The following FHOD3 variants were observed in gnomAD, a reference collection of about 807,000 sequenced individuals.
The protein encoded by FHOD3 is FH1/FH2 domain-containing protein 3.
In FHOD3, 90 loss-of-function variants were observed where a neutral mutation model predicts 173.0. The ratio of observed to expected loss-of-function variants is 0.52; its 90% CI spans 0.44 to 0.62. The LOEUF is 0.62. FHOD3 is among the 20% of genes least tolerant of loss of function. The pLI, the probability that FHOD3 is intolerant of heterozygous loss-of-function variation, is 0.00. For missense variants in FHOD3, 1,945 were observed against 2,034.7 expected, an observed-to-expected ratio of 0.96 and a Z score of 0.85; for synonymous variants, 828 against 823.0, an observed-to-expected ratio of 1.01 and a Z score of -0.10.
intron 3 of FHOD3, among the ~76,000 whole-genome samples, chr18:36,422,160 A>C (rs1353730943): frequency 6.6e-6 from 1 of 152,204 alleles, no homozygotes; most frequent in African/African-American, 2.4e-5. Flanking sequence ...CTTGGCCGCC[A>C]CATGTAATCC....
At chr18:36,717,173 A>T (rs958369220) in intron 18 of FHOD3, among the ~76,000 whole-genome samples, 1 of 152,098 alleles carries the variant, frequency 6.6e-6, no homozygotes, top group Non-Finnish European at 1.5e-5. Context: ...TTCTGGCTTC[A>T]TCTGTTAAGT....
chr18:36,362,656 GTCCCTGGCTGTA>G (rs2046690598), intron 2 of FHOD3, among the ~76,000 whole-genome samples: 2 of 152,136 alleles, frequency 1.3e-5, no homozygotes, highest in Non-Finnish European at 2.9e-5. Context: ...GAGAGGACCA[GTCCCTGGCTGTA>G]GGGAAAATGA....
chr18:36,716,914 ATGTGTGTGTGTGTGTGTGTGTGTGTG>A (rs57041859), intron 18 of FHOD3, among the ~76,000 whole-genome samples: 1 of 136,814 alleles, frequency 7.3e-6, no homozygotes, highest in Admixed American at 7.3e-5. Flanking sequence ...ATATATGTGT[ATGTGTGTGTGTGTGTGTGTGTGTGTG>A]TGTGTGTGTG....
chr18:36,623,559 C>A (rs1449031557), intron 9 of FHOD3, among the ~76,000 whole-genome samples: 2 of 152,166 alleles, frequency 1.3e-5, no homozygotes, highest in Non-Finnish European at 2.9e-5. Flanking sequence ...TTAGTTCTTG[C>A]AGTTACAATG....
chr18:36,445,816 G>A (rs1268841856), intron 3 of FHOD3, among the ~76,000 whole-genome samples: 9 of 152,196 alleles, frequency 5.9e-5, no homozygotes, highest in Non-Finnish European at 2.9e-5. Flanking sequence ...TAGTTGCAGC[G>A]AGGCTCCCTC....
chr18:36,601,322 A>G (rs1374355714), intron 7 of FHOD3, among the ~76,000 whole-genome samples: 1 of 152,222 alleles, frequency 6.6e-6, no homozygotes, highest in Non-Finnish European at 1.5e-5. Flanking sequence ...TGTGCCTTTT[A>G]CGTCTTGTAG....
intron 5 of FHOD3, among the ~76,000 whole-genome samples, chr18:36,535,363 TTCCA>T (rs1440867593): frequency 6.6e-6 from 1 of 152,054 alleles, no homozygotes; most frequent in East Asian, 1.9e-4. Context: ...TGGGCAAAGC[TTCCA>T]TCCCTTTCCC....
Position 36,757,590 on chromosome 18 carries a change from A to T in FHOD3, c.4426-1528A>T, listed in dbSNP as rs138830976. 1.7e-3 allele frequency among the ~76,000 whole-genome samples: 262 copies of T among 152,338 alleles called. 1 individual carries two copies. Among genetic ancestry groups the T allele is most frequent in the African/African-American group, 6.2e-3 (256 of 41,576 alleles). The stretch of plus-strand genomic sequence containing the variant: ...ATTTTAGAGAAAACTGTTTGTAGTA[A>T]GTCACCTTGAATGTACATGCTGAAT... On this transcript the variant is annotated intron_variant, in intron 25 of 28. Coordinates refer to ENST00000590592, the MANE Select transcript of FHOD3 (RefSeq NM_001281740.3).
chr18:36,377,799 C>CA (rs1456945713), intron 3 of FHOD3, among the ~76,000 whole-genome samples: 1 of 152,190 alleles, frequency 6.6e-6, no homozygotes, highest in Non-Finnish European at 1.5e-5. Flanking sequence ...GAGACACCCC[C>CA]ATCCCATCCC....
chr18:36,297,809 C>G lies in FHOD3; in HGVS notation c.-27C>G, dbSNP rs1471117436. On this transcript the variant is annotated 5_prime_UTR_variant, in exon 1 of 29. Transcript: ENST00000590592. ...GCCCGCGGCCCCGCTAACCCCGGGGCCCGCGCCCCCGCGGCAGGGATGCAT... is the reference window on the plus strand; with the variant it reads ...GCCCGCGGCCCCGCTAACCCCGGGGGCCGCGCCCCCGCGGCAGGGATGCAT... 4 of 1,493,446 alleles carry G rather than the reference C, an allele frequency of 2.7e-6. No individual in the cohort carries two copies. Among genetic ancestry groups the G allele is most frequent in the Non-Finnish European group, 3.6e-6 (4 of 1,119,790 alleles). 92.5% of individuals were successfully genotyped at this position (1,493,446 alleles called of 1,614,324 possible).
At chr18:36,482,119 G>T (rs2053933776) in intron 3 of FHOD3, among the ~76,000 whole-genome samples, 1 of 152,188 alleles carries the variant, frequency 6.6e-6, no homozygotes, top group South Asian at 2.1e-4. Context: ...GAAGGAGGGG[G>T]AGGGTACTGG....
At chr18:36,620,647 A>G (rs1312753783) in intron 9 of FHOD3, among the ~76,000 whole-genome samples, 1 of 152,210 alleles carries the variant, frequency 6.6e-6, no homozygotes, top group African/African-American at 2.4e-5. Flanking sequence ...AATACCACAC[A>G]TTTCATGATA....
Position 36,297,859 on chromosome 18 carries a change from G to A in FHOD3, c.24G>A (p.Val8=), listed in dbSNP as rs2091835263. 5.9e-6 allele frequency: 9 copies of A among 1,537,750 alleles called. No homozygotes were observed. Among genetic ancestry groups the A allele is most frequent in the Non-Finnish European group, 7.9e-6 (9 of 1,142,300 alleles). Residue 8 remains valine, a synonymous_variant, in exon 1 of 29, where the codon GTG becomes GTA. Coordinates refer to ENST00000590592, the MANE Select transcript of FHOD3 (RefSeq NM_001281740.3). MATLACR[V]QFLDDTDPFN... is the part of the protein sequence containing the mutation. ...TCATGGCCACGCTGGCTTGCCGGGT[G>A]CAGTTCTTGGACGACACGGACCCTT...
chr18:36,440,812 A>G (rs1254688673), intron 3 of FHOD3, among the ~76,000 whole-genome samples: 1 of 152,204 alleles, frequency 6.6e-6, no homozygotes, highest in Non-Finnish European at 1.5e-5. Flanking sequence ...GCTTGCCTGG[A>G]TAGGCCATGT....
chr18:36,368,062 G>C (rs2145992567), intron 2 of FHOD3, among the ~76,000 whole-genome samples: 1 of 152,102 alleles, frequency 6.6e-6, no homozygotes, highest in African/African-American at 2.4e-5. Flanking sequence ...CCAGTCTCAG[G>C]CAGTTCTTTA....
intron 7 of FHOD3, among the ~76,000 whole-genome samples, chr18:36,599,761 C>G (rs558372757): frequency 3.0e-4 from 46 of 152,110 alleles, no homozygotes; most frequent in Non-Finnish European, 5.9e-4. Flanking sequence ...AGGTGGTCCA[C>G]CTGGGGGTAA....
intron 3 of FHOD3, among the ~76,000 whole-genome samples, chr18:36,452,744 G>A (rs1417905969): frequency 1.2e-4 from 18 of 151,682 alleles, no homozygotes; most frequent in Non-Finnish European, 2.7e-4. Flanking sequence ...TGTCCCCTAG[G>A]TTCATCCATG....
At chr18:36,303,356 G>A (rs1378912359) in intron 1 of FHOD3, among the ~76,000 whole-genome samples, 1 of 152,092 alleles carries the variant, frequency 6.6e-6, no homozygotes, top group Non-Finnish European at 1.5e-5. Context: ...TGTGCAGATG[G>A]GGGTGGGGTA....
intron 5 of FHOD3, among the ~76,000 whole-genome samples, chr18:36,561,852 A>G (rs1475706446): frequency 2.0e-5 from 3 of 152,210 alleles, no homozygotes; most frequent in Non-Finnish European, 2.9e-5. Context: ...GTTGTAGGCC[A>G]TAAAATACAC....
Sources: allele counts gnomAD v4.1 joint callset (sites outside exome capture counted in the v4.1 genomes callset), GRCh38; gene constraint gnomAD v4.1.1; transcripts MANE v1.5; gene names NCBI Gene and HGNC (gene_info 2026-07-23, HGNC 2026-07-21).